Variants in GALNTL6 observed in about 807,000 individuals in gnomAD.
GALNTL6 encodes the protein polypeptide N-acetylgalactosaminyltransferase like 6.
GALNTL6 carries 46 observed loss-of-function variants against 73.7 expected under a neutral mutation model. The observed-to-expected ratio is 0.62, with a 90% CI of 0.49 to 0.80. The LOEUF is 0.80. GALNTL6 is among the 30% of genes least tolerant of loss of function. The probability of loss-of-function intolerance (pLI) is 0.00; values close to 1 mark genes in which losing one functional copy is unlikely to be tolerated. For missense variants in GALNTL6, 604 were observed against 755.0 expected, an observed-to-expected ratio of 0.80 and a Z score of 2.34; for synonymous variants, 259 against 263.7, an observed-to-expected ratio of 0.98 and a Z score of 0.17.
chr4:172,761,789 C>A (rs1026613207), intron 5 of GALNTL6, among the ~76,000 whole-genome samples: 11 of 151,998 alleles, frequency 7.2e-5, no homozygotes, highest in Non-Finnish European at 1.6e-4. Flanking sequence ...CCTAGTCATG[C>A]TTCCTGTTAA....
chr4:171,935,325 G>A (rs1019964257), intron 2 of GALNTL6, among the ~76,000 whole-genome samples: 7 of 152,148 alleles, frequency 4.6e-5, no homozygotes, highest in African/African-American at 1.7e-4. Flanking sequence ...TTATATATTA[G>A]TGATGCTAGA....
rs57746014 is a variant in GALNTL6, at chr4:172,895,397, TA to T, written c.1041+12491del. Among the ~76,000 whole-genome samples, 330 of 149,136 alleles carry T rather than the reference TA, an allele frequency of 2.2e-3. 1 individual carries two copies. Among genetic ancestry groups the T allele is most frequent in the African/African-American group, 6.1e-3 (248 of 40,664 alleles). On this transcript the variant is annotated intron_variant, in intron 8 of 12. Transcript: ENST00000506823. ...TTAGTGTTTTTGTTATATATATATA[TA>T]TATATTTTTTTTTTGCTTTCAGCAC...
Position 172,301,187 on chromosome 4 carries a change from G to A in GALNTL6, c.248-10427G>A, listed in dbSNP as rs200923060. ...CTACTGAGGCTTGTGCATTCGTCAC[G>A]TAGTTCTTGTGGCATGGTTTTCAGC... On this transcript the variant is annotated intron_variant, in intron 3 of 12. Transcript: ENST00000506823. Among the ~76,000 whole-genome samples, 116 of 152,226 alleles carry A rather than the reference G, an allele frequency of 7.6e-4. 2 individuals are homozygous for A. In the South Asian group the frequency reaches 0.014, roughly 19 times the overall value.
At chr4:172,372,402 T>C (rs1046427981) in intron 5 of GALNTL6, among the ~76,000 whole-genome samples, 1 of 152,202 alleles carries the variant, frequency 6.6e-6, no homozygotes, top group Non-Finnish European at 1.5e-5. Context: ...CTTTGGCACC[T>C]AGTATGCCAT....
chr4:172,412,036 A>G (rs1036378055), intron 5 of GALNTL6, among the ~76,000 whole-genome samples: 2 of 151,800 alleles, frequency 1.3e-5, no homozygotes, highest in Non-Finnish European at 2.9e-5. Context: ...TTATATATTT[A>G]TTTATTTTTA....
chr4:172,007,325 A>G (rs56260464), intron 2 of GALNTL6, among the ~76,000 whole-genome samples: 142,343 of 152,104 alleles, frequency 0.94, 66,898 homozygotes, highest in East Asian at 1. Context: ...AAAGCTATGT[A>G]TGATTAAAGA....
At chr4:172,846,213 TAGTC>T (rs1260955903) in intron 7 of GALNTL6, among the ~76,000 whole-genome samples, 1 of 152,218 alleles carries the variant, frequency 6.6e-6, no homozygotes. Flanking sequence ...ATACTATAAA[TAGTC>T]AATGTGTTTG....
At chr4:171,820,023 C>T (rs537806229) in intron 2 of GALNTL6, among the ~76,000 whole-genome samples, 2 of 152,272 alleles carry the variant, frequency 1.3e-5, no homozygotes, top group South Asian at 4.1e-4. Context: ...CCTCACTGTA[C>T]AGCTAATGAT....
At chr4:171,840,394 A>ACCGTGGG (rs78925227) in intron 2 of GALNTL6, among the ~76,000 whole-genome samples, 39,187 of 151,780 alleles carry the variant, frequency 0.26, 5,249 homozygotes, top group African/African-American at 0.32. Flanking sequence ...TATTAAAGAA[A>ACCGTGGG]CCGTGGGCAC....
At chr4:172,864,092 G>A (rs548968375) in intron 7 of GALNTL6, among the ~76,000 whole-genome samples, 1 of 152,262 alleles carries the variant, frequency 6.6e-6, no homozygotes, top group East Asian at 1.9e-4. Flanking sequence ...TGCCATGACT[G>A]TGAGGCCTCC....
At chr4:172,482,745 A>T (rs919872578) in intron 5 of GALNTL6, among the ~76,000 whole-genome samples, 1 of 152,226 alleles carries the variant, frequency 6.6e-6, no homozygotes, top group Admixed American at 6.5e-5. Context: ...TTATTTGGCA[A>T]TGCCTTCATC....
chr4:171,946,626 T>C (rs1738709858), intron 2 of GALNTL6, among the ~76,000 whole-genome samples: 1 of 152,142 alleles, frequency 6.6e-6, no homozygotes, highest in African/African-American at 2.4e-5. Context: ...ACTTTGAAGA[T>C]TGTGATACAT....
intron 5 of GALNTL6, among the ~76,000 whole-genome samples, chr4:172,677,728 GC>G: frequency 6.6e-6 from 1 of 151,924 alleles, no homozygotes; most frequent in Non-Finnish European, 1.5e-5. Flanking sequence ...TTGGAGATCA[GC>G]CTAGATAGCA....
At chr4:172,200,799 G>A (rs545260343) in intron 2 of GALNTL6, among the ~76,000 whole-genome samples, 8 of 152,164 alleles carry the variant, frequency 5.3e-5, no homozygotes, top group Non-Finnish European at 8.8e-5. Context: ...GTAGTAACAC[G>A]TGAATTGTTA....
chr4:171,842,556 C>A (rs1735265357), intron 2 of GALNTL6, among the ~76,000 whole-genome samples: 1 of 152,054 alleles, frequency 6.6e-6, no homozygotes, highest in African/African-American at 2.4e-5. Flanking sequence ...TCATCCACTT[C>A]TGGTGAGGCC....
chr4:172,242,694 T>C (rs574050288), intron 3 of GALNTL6, among the ~76,000 whole-genome samples: 17 of 152,368 alleles, frequency 1.1e-4, no homozygotes, highest in Non-Finnish European at 2.2e-4. Context: ...TTGAGTCTTC[T>C]GTCATTTTAT....
chr4:172,328,599 C>T lies in GALNTL6; in HGVS notation c.386+16847C>T, dbSNP rs550242225. Among the ~76,000 whole-genome samples, 913 of 151,810 alleles carry T rather than the reference C, an allele frequency of 6.0e-3. 11 individuals carry two copies. The highest frequency in any genetic ancestry group is 0.02 in the African/African-American group (846 of 41,432). On this transcript the variant is annotated intron_variant, in intron 4 of 12. Transcript: ENST00000506823. ...GTTTTGTTTATTCCTTTTTATTTTT[C>T]TTCTTTATCATTGTCTGACTGTATT...
chr4:172,905,902 A>G (rs112376120), intron 8 of GALNTL6, among the ~76,000 whole-genome samples: 1 of 151,528 alleles, frequency 6.6e-6, no homozygotes, highest in African/African-American at 2.4e-5. Context: ...CTTACCCCCA[A>G]CCACGACCTA....
At chr4:172,304,936 A>G (rs1204472138) in intron 3 of GALNTL6, among the ~76,000 whole-genome samples, 1 of 152,188 alleles carries the variant, frequency 6.6e-6, no homozygotes, top group East Asian at 1.9e-4. Context: ...TACAAAGTTC[A>G]TTAGTTTTCC....
Sources: allele counts gnomAD v4.1 joint callset (sites outside exome capture counted in the v4.1 genomes callset), GRCh38; gene constraint gnomAD v4.1.1; transcripts MANE v1.5; gene names NCBI Gene and HGNC (gene_info 2026-07-23, HGNC 2026-07-21).